The following TCF7L2 variants were observed in gnomAD, a reference collection of about 807,000 sequenced individuals.
The protein encoded by TCF7L2 is transcription factor 7 like 2.
TCF7L2 carries 23 observed loss-of-function variants against 77.9 expected under a neutral mutation model. The observed-to-expected ratio is 0.30, with a 90% CI of 0.21 to 0.42. The LOEUF (loss-of-function observed/expected upper bound fraction) is 0.42. Ranked by LOEUF, TCF7L2 falls within the 10% of genes least tolerant of loss-of-function variation. TCF7L2 has a pLI of 1.00. For missense variants in TCF7L2, 654 were observed against 793.1 expected, an observed-to-expected ratio of 0.82 and a Z score of 2.11; for synonymous variants, 413 against 340.2, an observed-to-expected ratio of 1.21 and a Z score of -2.36.
intron 4 of TCF7L2, among the ~76,000 whole-genome samples, chr10:112,997,378 G>A (rs375345160): frequency 4.6e-5 from 7 of 152,196 alleles, no homozygotes; most frequent in African/African-American, 1.4e-4. Context: ...GGTTTGGAGC[G>A]GTTTTTGGTT....
At chr10:112,953,216 A>G (rs1036243662) in intron 3 of TCF7L2, among the ~76,000 whole-genome samples, 8 of 151,736 alleles carry the variant, frequency 5.3e-5, no homozygotes, top group African/African-American at 1.9e-4. Flanking sequence ...TAGACCGGTC[A>G]TTTTTTTTAT....
chr10:113,036,262 C>T (rs1469777196), intron 4 of TCF7L2, among the ~76,000 whole-genome samples: 4 of 152,138 alleles, frequency 2.6e-5, no homozygotes, highest in South Asian at 4.2e-4. Context: ...CCATCCTCAA[C>T]ATTCTTGCTG....
chr10:113,153,984 C>T (rs149590983), intron 11 of TCF7L2, among the ~76,000 whole-genome samples: 1 of 152,218 alleles, frequency 6.6e-6, no homozygotes, highest in South Asian at 2.1e-4. Context: ...TAGCTGGCAG[C>T]GCTAGACTGT....
Position 113,027,776 on chromosome 10 carries a change from C to T in TCF7L2, c.451-12249C>T, listed in dbSNP as rs1378351704. On this transcript the variant is annotated intron_variant, in intron 4 of 13. Transcript: ENST00000627217. ...CCCTCCTTCCTCCCTCTCCTCTTCT[C>T]TCCCCCCCTCACCCTATTCAACCCA... is the stretch of plus-strand genomic sequence containing the variant. Among the ~76,000 whole-genome samples the T allele has an allele frequency of 2.0e-5, 3 of 152,052 alleles. No individual in the cohort carries two copies. In the East Asian group the frequency reaches 5.8e-4, roughly 29 times the overall value.
chr10:112,985,752 C>A (rs897672380), intron 4 of TCF7L2, among the ~76,000 whole-genome samples: 2 of 152,074 alleles, frequency 1.3e-5, no homozygotes, highest in African/African-American at 2.4e-5. Flanking sequence ...TGAATGCCCC[C>A]CCCTTCACTT....
At chr10:113,147,575 C>A (rs1056231332) in intron 8 of TCF7L2, among the ~76,000 whole-genome samples, 1 of 152,170 alleles carries the variant, frequency 6.6e-6, no homozygotes, top group Admixed American at 6.5e-5. Context: ...TAAATAGTGT[C>A]ATCACAGCCT....
intron 4 of TCF7L2, among the ~76,000 whole-genome samples, chr10:112,974,609 A>T (rs2039010292): frequency 6.6e-6 from 1 of 151,740 alleles, no homozygotes; most frequent in African/African-American, 2.4e-5. Flanking sequence ...TGCCTGGCTA[A>T]TTTTTTTGTA....
chr10:113,019,045 G>C (rs1353477552), intron 4 of TCF7L2, among the ~76,000 whole-genome samples: 1 of 152,210 alleles, frequency 6.6e-6, no homozygotes, highest in African/African-American at 2.4e-5. Flanking sequence ...GGGACCCAGT[G>C]TAAGAAATTG....
At chr10:113,115,240 A>G (rs2063573807) in intron 5 of TCF7L2, among the ~76,000 whole-genome samples, 1 of 152,242 alleles carries the variant, frequency 6.6e-6, no homozygotes, top group South Asian at 2.1e-4. Flanking sequence ...TTGGCTTCAG[A>G]GAGTTTAAAG....
At chr10:113,159,873 C>G in intron 12 of TCF7L2, 47 bp from the exon 14 acceptor site, 3 of 723,256 alleles carry the variant, frequency 4.1e-6, no homozygotes, top group Non-Finnish European at 6.5e-6. Flanking sequence ...CTCTCCCTTT[C>G]TCCCACGTTC....
chr10:113,011,416 G>A (rs2046426801), intron 4 of TCF7L2, among the ~76,000 whole-genome samples: 2 of 152,266 alleles, frequency 1.3e-5, no homozygotes, highest in South Asian at 4.2e-4. Flanking sequence ...TGCTAATGAG[G>A]CCTCAAATTC....
intron 4 of TCF7L2, among the ~76,000 whole-genome samples, chr10:113,020,280 G>T (rs1402950709): frequency 6.6e-6 from 1 of 152,218 alleles, no homozygotes; most frequent in Non-Finnish European, 1.5e-5. Flanking sequence ...GAAGACAGAT[G>T]TGGCGGCCTC....
intron 6 of TCF7L2, among the ~76,000 whole-genome samples, chr10:113,142,927 G>A (rs1013270928): frequency 6.6e-6 from 1 of 152,230 alleles, no homozygotes; most frequent in African/African-American, 2.4e-5. Context: ...TAGAGAGAAA[G>A]CAATGTCTGC....
rs1168134078 is a variant in TCF7L2, at chr10:113,151,209, A to C, written c.1001+86A>C. 1 of 1,588,742 alleles carries C rather than the reference A, an allele frequency of 6.3e-7. No homozygotes were observed. Among genetic ancestry groups the C allele is most frequent in the African/African-American group, 1.3e-5 (1 of 74,584 alleles). On this transcript the variant is annotated intron_variant, in intron 9 of 13. Coordinates refer to ENST00000627217, the MANE Select transcript of TCF7L2 (RefSeq NM_001146274.2). The surrounding 1 kb of genome is among the most constrained non-coding windows in gnomAD (Gnocchi z 5.2). ...GCTGCTGGGTGGTGGCTTTCTGCCT[A>C]AGGTTGGCCTCGTTTGGTTTGACTG...
intron 4 of TCF7L2, among the ~76,000 whole-genome samples, chr10:113,010,560 A>G (rs940256165): frequency 7.2e-5 from 11 of 152,338 alleles, no homozygotes; most frequent in African/African-American, 2.4e-4. Context: ...AGACAGTATC[A>G]TCTCCATTTT....
intron 5 of TCF7L2, among the ~76,000 whole-genome samples, chr10:113,079,187 G>A (rs987895132): frequency 6.6e-6 from 1 of 152,138 alleles, no homozygotes; most frequent in Non-Finnish European, 1.5e-5. Context: ...GAGCCTTTTG[G>A]TTTTGGGTTT....
intron 7 of TCF7L2, among the ~76,000 whole-genome samples, chr10:113,144,274 C>G (rs1228260609): frequency 2.6e-5 from 4 of 152,030 alleles, no homozygotes; most frequent in African/African-American, 7.3e-5. Context: ...CTTAGCATTC[C>G]GCGACCATGG....
intron 5 of TCF7L2, among the ~76,000 whole-genome samples, chr10:113,088,679 A>G (rs1367378458): frequency 6.6e-6 from 1 of 152,216 alleles, no homozygotes; most frequent in African/African-American, 2.4e-5. Context: ...CAGATCAGCC[A>G]GACATGGTGC....
intron 5 of TCF7L2, among the ~76,000 whole-genome samples, chr10:113,137,695 C>G (rs1443905468): frequency 6.6e-6 from 1 of 152,224 alleles, no homozygotes; most frequent in Admixed American, 6.5e-5. Flanking sequence ...TAAAGAGCGC[C>G]AACATTTACT....
Sources: allele counts gnomAD v4.1 joint callset (sites outside exome capture counted in the v4.1 genomes callset), GRCh38; gene constraint gnomAD v4.1.1; non-coding constraint Gnocchi (gnomAD v3.1); transcripts MANE v1.5; gene names NCBI Gene and HGNC (gene_info 2026-07-23, HGNC 2026-07-21).